SEPTIN9: variants seen among roughly 807,000 people sequenced by gnomAD.
SEPTIN9 encodes the protein septin 9, also known as septin-9.
In SEPTIN9, 13 loss-of-function variants were observed where a neutral mutation model predicts 56.6. That is an observed-to-expected ratio of 0.23 (90% CI 0.15 to 0.37). The LOEUF (loss-of-function observed/expected upper bound fraction) is 0.37. Ranked by LOEUF, SEPTIN9 falls within the 10% of genes least tolerant of loss-of-function variation. SEPTIN9 has a pLI of 1.00. For missense variants in SEPTIN9, 650 were observed against 823.1 expected (o/e 0.79, Z 2.57); for synonymous variants, 332 against 334.1 (o/e 0.99, Z 0.07).
At chr17:77,496,361 C>G (rs1422893285) in intron 10 of SEPTIN9, 1 of 152,124 alleles carries the variant, frequency 6.6e-6, no homozygotes, top group African/African-American at 2.4e-5. Flanking sequence ...ATGGGGATAA[C>G]AAAGGAATCA....
At chr17:77,484,830 CGAT>C (rs1254738025) in intron 4 of SEPTIN9, among the ~76,000 whole-genome samples, 4 of 10,288 alleles carry the variant, frequency 3.9e-4, no homozygotes, top group South Asian at 3.5e-3. Flanking sequence ...ATGGTGGTGG[CGAT>C]GGTGGTTGTG....
intron 2 of SEPTIN9, among the ~76,000 whole-genome samples, chr17:77,397,598 G>GT (rs2035762892): frequency 1.3e-5 from 2 of 152,136 alleles, no homozygotes; most frequent in African/African-American, 4.8e-5. Context: ...GGTCTAGTGC[G>GT]TCCCTCCTCC....
At position 77,341,854 on chromosome 17, in the gene SEPTIN9, G is replaced by A. The variant is rs567229520; in HGVS notation, c.76+34657G>A. Among the ~76,000 whole-genome samples, 52 of 150,946 alleles carry A rather than the reference G, an allele frequency of 3.4e-4. 1 individual carries two copies. The South Asian group carries it at 0.01, about 30-fold the overall frequency. ...TCCCAGCACTTTGGGAGGCCGAGGC[G>A]GGCAGATCATGAGGTCAGGGGATTG... On this transcript the variant is annotated intron_variant, in intron 2 of 11. Coordinates refer to ENST00000427177, the MANE Select transcript of SEPTIN9 (RefSeq NM_001113491.2).
At chr17:77,459,563 G>C (rs994644966) in intron 3 of SEPTIN9, among the ~76,000 whole-genome samples, 1 of 152,176 alleles carries the variant, frequency 6.6e-6, no homozygotes, top group African/African-American at 2.4e-5. Flanking sequence ...AGCCGAGGCT[G>C]GGGGGTTATT....
Position 77,490,629 on chromosome 17 carries a change from A to AC in SEPTIN9, c.1263-108dup, listed in dbSNP as rs2039984908. 4 of 806,014 alleles carry AC rather than the reference A, an allele frequency of 5.0e-6. No individual in the cohort carries two copies. The Admixed American group carries it at 8.2e-5, about 16-fold the overall frequency. The allele number at this position is 806,014 out of a possible 1,614,324, so 49.9% of individuals were successfully genotyped here. On this transcript the variant is annotated intron_variant, in intron 7 of 11. Coordinates refer to ENST00000427177, the MANE Select transcript of SEPTIN9 (RefSeq NM_001113491.2). ...CGGGGCCCTGTCCTTGCCAGCAGGG[A>AC]CCCCCGTGAGCCCCGAGCCAGCACC...
chr17:77,286,611 C>T (rs953532711), intron 1 of SEPTIN9, among the ~76,000 whole-genome samples: 57 of 152,348 alleles, frequency 3.7e-4, no homozygotes, highest in African/African-American at 1.3e-3. Flanking sequence ...GGTCCTTGGG[C>T]TGCCCTCCTC....
rs989083837 is a variant in SEPTIN9 at position 77,283,634 on chromosome 17, C to A, written c.19+2080C>A. Among the ~76,000 whole-genome samples, 68 of 152,284 alleles carry A rather than the reference C, an allele frequency of 4.5e-4. 1 individual carries two copies. Among genetic ancestry groups the A allele is most frequent in the Non-Finnish European group, 8.8e-5 (6 of 68,022 alleles). ...TCTTTATTTTTTCATCTAGACTGTG[C>A]GGGATTATTGCTTCCAGACCTGTAT... is the stretch of plus-strand genomic sequence containing the variant. On this transcript the variant is annotated intron_variant, in intron 1 of 11. Coordinates refer to ENST00000427177, the MANE Select transcript of SEPTIN9 (RefSeq NM_001113491.2).
intron 2 of SEPTIN9, among the ~76,000 whole-genome samples, chr17:77,357,026 C>T (rs2034276182): frequency 6.6e-6 from 1 of 151,742 alleles, no homozygotes; most frequent in African/African-American, 2.4e-5. Flanking sequence ...AAGCATCAAC[C>T]TGGTGGCTGG....
intron 2 of SEPTIN9, among the ~76,000 whole-genome samples, chr17:77,388,933 C>T (rs531122981): frequency 8.0e-5 from 12 of 150,652 alleles, no homozygotes; most frequent in Admixed American, 1.3e-4. Flanking sequence ...GAATGGTCAC[C>T]GCCTGTGTGT....
At chr17:77,374,325 A>G (rs2034837052) in intron 2 of SEPTIN9, 1 of 152,460 alleles carries the variant, frequency 6.6e-6, no homozygotes, top group African/African-American at 2.4e-5. Flanking sequence ...TGCTCTGTCC[A>G]AGCCTGGGTC....
intron 3 of SEPTIN9, among the ~76,000 whole-genome samples, chr17:77,408,008 A>G (rs1397569358): frequency 6.8e-6 from 1 of 147,124 alleles, no homozygotes; most frequent in African/African-American, 2.5e-5. Flanking sequence ...CTCCTCAGCC[A>G]CACCAGCCAA....
In SEPTIN9 at chr17:77,499,130, A is replaced by G. The variant is rs1408625357; in HGVS notation, c.*472A>G. The G allele has an allele frequency of 1.9e-6, 1 of 535,532 alleles. No homozygotes were observed. Among genetic ancestry groups the G allele is most frequent in the Non-Finnish European group, 3.6e-6 (1 of 275,996 alleles). 33.2% of individuals were successfully genotyped at this position (535,532 alleles called of 1,614,324 possible). On this transcript the variant is annotated 3_prime_UTR_variant, in exon 12 of 12. Coordinates refer to ENST00000427177, the MANE Select transcript of SEPTIN9 (RefSeq NM_001113491.2). ...AGCCCAGGGGAGAATGCAGCCCACC[A>G]GGAGCACCTGGACCCCCTGCCCGCC...
chr17:77,437,877 A>C lies in SEPTIN9; in HGVS notation c.721+35174A>C, dbSNP rs909495758. The stretch of plus-strand genomic sequence containing the variant: ...AAGCTTCTCCCTGGCCCCAGGCCAG[A>C]GGTGACAGTGGGGGCCCCTTGCTTG... On this transcript the variant is annotated intron_variant, in intron 3 of 11. Coordinates refer to ENST00000427177, the MANE Select transcript of SEPTIN9 (RefSeq NM_001113491.2). The surrounding 1 kb of genome is among the most constrained non-coding windows in gnomAD (Gnocchi z 5.3). Among the ~76,000 whole-genome samples the C allele has an allele frequency of 1.3e-5, 2 of 151,952 alleles. No homozygotes were observed. Among genetic ancestry groups the C allele is most frequent in the Non-Finnish European group, 2.9e-5 (2 of 67,818 alleles).
intron 4 of SEPTIN9, among the ~76,000 whole-genome samples, chr17:77,485,176 ATGGTGATTGTGGTGG>A (rs2039706099): frequency 1.5e-5 from 1 of 67,598 alleles, no homozygotes; most frequent in African/African-American, 7.1e-5. Flanking sequence ...AATGTGGGTG[ATGGTGATTGTGGTGG>A]TGGTGGTGAT....
intron 1 of SEPTIN9, among the ~76,000 whole-genome samples, chr17:77,284,050 G>A (rs916558770): frequency 2.0e-5 from 3 of 152,056 alleles, no homozygotes; most frequent in Non-Finnish European, 4.4e-5. Flanking sequence ...CTTGAGTAGT[G>A]GAGAATAAAA....
At position 77,433,776 on chromosome 17, in the gene SEPTIN9, C is replaced by G. The variant is rs1429995603; in HGVS notation, c.721+31073C>G. On this transcript the variant is annotated intron_variant, in intron 3 of 11. Transcript: ENST00000427177. This position sits in a 1 kb window ranked among gnomAD's most constrained non-coding sequence, Gnocchi z 6.4. The stretch of plus-strand genomic sequence containing the variant: ...TGTGAGTTAGATGGGGAGTGCACCC[C>G]TGCCCTCCCCTCCTGGGTATCCCCT... 1.3e-5 allele frequency among the ~76,000 whole-genome samples: 2 copies of G among 152,070 alleles called. No homozygotes were observed. Among genetic ancestry groups the G allele is most frequent in the Non-Finnish European group, 2.9e-5 (2 of 67,994 alleles).
chr17:77,397,982 T>G (rs369982452), intron 2 of SEPTIN9, among the ~76,000 whole-genome samples: 189 of 147,102 alleles, frequency 1.3e-3, no homozygotes, highest in African/African-American at 4.5e-3. Context: ...TTTGGTTGTT[T>G]TTTTTTTTTG....
intron 3 of SEPTIN9, among the ~76,000 whole-genome samples, chr17:77,457,635 G>A (rs1156252370): frequency 6.6e-6 from 1 of 152,246 alleles, no homozygotes; most frequent in Non-Finnish European, 1.5e-5. Context: ...TTCCAGAACA[G>A]CCGATAGTGG....
intron 2 of SEPTIN9, among the ~76,000 whole-genome samples, chr17:77,343,285 C>T (rs2033794783): frequency 6.6e-6 from 1 of 152,064 alleles, no homozygotes; most frequent in East Asian, 1.9e-4. Flanking sequence ...CATCAATGGC[C>T]AAAGATTTCA....
Sources: gnomAD v4.1 joint callset for allele counts (sites outside exome capture counted in the v4.1 genomes callset) on GRCh38, gnomAD v4.1.1 for gene constraint, Gnocchi (gnomAD v3.1) non-coding constraint, MANE v1.5 for transcripts, NCBI Gene and HGNC (gene_info 2026-07-23, HGNC 2026-07-21) for gene names.